Variants in NDST4 observed in about 807,000 individuals in gnomAD.
NDST4 encodes N-deacetylase and N-sulfotransferase 4.
Under a neutral mutation model 100.8 loss-of-function variants are expected in NDST4, and 63 were observed. That is an observed-to-expected ratio of 0.62 (90% CI 0.51 to 0.77). NDST4 has a LOEUF of 0.77. Among genes scored for constraint, NDST4 ranks in the 30% least tolerant of loss-of-function variants. NDST4 has a pLI of 0.00. For synonymous variants in NDST4, 377 were observed against 361.8 expected (o/e 1.04, Z -0.48); for missense variants, 943 against 1,018.4 (o/e 0.93, Z 1.01).
Position 114,892,839 on chromosome 4 carries a change from G to A in NDST4, c.1537-21889C>T, listed in dbSNP as rs576352878. On this transcript the variant is annotated intron_variant, in intron 6 of 13. Transcript: ENST00000264363. Reference sequence around the variant, plus strand: ...TGCAGAACATGCAATTTGTTACATTGGTGTACATGTGCTTTGGTGGTTTGC... The same window carrying A: ...TGCAGAACATGCAATTTGTTACATTAGTGTACATGTGCTTTGGTGGTTTGC... Among the ~76,000 whole-genome samples, 25 of 151,720 alleles carry A rather than the reference G, an allele frequency of 1.6e-4. No individual in the cohort carries two copies. The South Asian group carries it at 4.8e-3, about 29-fold the overall frequency.
At position 115,096,843 on chromosome 4, in the gene NDST4, C is replaced by T. The variant is rs1433626839; in HGVS notation, c.-247+16601G>A. Reference sequence around the variant, plus strand: ...AGTCCAATTTTTCTAGGACCTACTCCAATCAGGCTTACCATCACAACTTCA... The same window carrying T: ...AGTCCAATTTTTCTAGGACCTACTCTAATCAGGCTTACCATCACAACTTCA... On this transcript the variant is annotated intron_variant, in intron 1 of 13. Transcript: ENST00000264363. 7.9e-5 allele frequency among the ~76,000 whole-genome samples: 12 copies of T among 152,068 alleles called. No individual in the cohort carries two copies. In the East Asian group the frequency reaches 2.1e-3, roughly 27 times the overall value.
chr4:115,073,921 G>T (rs1232049689), intron 2 of NDST4, among the ~76,000 whole-genome samples: 5 of 151,762 alleles, frequency 3.3e-5, no homozygotes, highest in African/African-American at 1.2e-4. Flanking sequence ...ACTATATACT[G>T]TTTTTGTCAA....
In NDST4 at chr4:114,876,494, C is replaced by A. The variant is rs867612530; in HGVS notation, c.1537-5544G>T. 4.6e-5 allele frequency among the ~76,000 whole-genome samples: 7 copies of A among 152,060 alleles called. No individual in the cohort carries two copies. In the South Asian group the frequency reaches 1.2e-3, roughly 27 times the overall value. Reference sequence around the variant, plus strand: ...CACACAAGGGATATTAAGAGTCAGACTAGGCTTAACATTACTAATATGAGT... The same window carrying A: ...CACACAAGGGATATTAAGAGTCAGAATAGGCTTAACATTACTAATATGAGT... On this transcript the variant is annotated intron_variant, in intron 6 of 13. Coordinates refer to ENST00000264363, the MANE Select transcript of NDST4 (RefSeq NM_022569.3).
chr4:115,010,031 AAAC>A (rs1268715494), intron 2 of NDST4, among the ~76,000 whole-genome samples: 2 of 107,196 alleles, frequency 1.9e-5, no homozygotes, highest in Non-Finnish European at 3.8e-5. Context: ...AAAAGTCAGG[AAAC>A]AACAGGTGCT....
In NDST4 at chr4:114,852,875, T is replaced by C. The variant is rs188565513; in HGVS notation, c.1720-54A>G. On this transcript the variant is annotated intron_variant, in intron 7 of 13. Coordinates refer to ENST00000264363, the MANE Select transcript of NDST4 (RefSeq NM_022569.3). ...CAGTGTAATGACTGTCTGGCTCTGT[T>C]CTCTAAAAATTGTTCAAAAGATGGA... 3.6e-5 allele frequency: 45 copies of C among 1,256,448 alleles called. No individual in the cohort carries two copies. The Admixed American group carries it at 8.1e-4, about 23-fold the overall frequency. 77.8% of individuals were successfully genotyped at this position (1,256,448 alleles called of 1,614,324 possible).
intron 2 of NDST4, among the ~76,000 whole-genome samples, chr4:115,028,683 A>G (rs1171914033): frequency 6.6e-6 from 1 of 152,134 alleles, no homozygotes; most frequent in Non-Finnish European, 1.5e-5. Context: ...CACTAGATGT[A>G]TGGCAATATA....
intron 6 of NDST4, among the ~76,000 whole-genome samples, chr4:114,911,859 A>T (rs1459299835): frequency 6.6e-6 from 1 of 152,096 alleles, no homozygotes; most frequent in East Asian, 1.9e-4. Flanking sequence ...TCTTTTCACT[A>T]TTTCAACCAT....
At position 114,963,404 on chromosome 4, in the gene NDST4, ATTAG is replaced by A. The variant is rs142124831; in HGVS notation, c.1221+7022_1221+7025del. ...GCAAATCTGTGAAGACAAAAAGTAA[ATTAG>A]TTATTTGCTTAGGTTGAGGGAGTGG... On this transcript the variant is annotated intron_variant, in intron 4 of 13. Transcript: ENST00000264363. Among the ~76,000 whole-genome samples the A allele has an allele frequency of 8.2e-3, 1,252 of 152,132 alleles. 18 individuals are homozygous for A. The highest frequency in any genetic ancestry group is 0.029 in the African/African-American group (1,196 of 41,410).
intron 2 of NDST4, among the ~76,000 whole-genome samples, chr4:115,010,467 A>C (rs1287473176): frequency 7.8e-6 from 1 of 128,328 alleles, no homozygotes; most frequent in East Asian, 2.5e-4. Context: ...ATTCTTACTC[A>C]TAGGTGGGAA....
At chr4:114,908,597 C>G (rs1383206119) in intron 6 of NDST4, among the ~76,000 whole-genome samples, 3 of 152,032 alleles carry the variant, frequency 2.0e-5, no homozygotes, top group Non-Finnish European at 2.9e-5. Flanking sequence ...AGCTGCAGGG[C>G]ACTTGGGTGG....
intron 6 of NDST4, among the ~76,000 whole-genome samples, chr4:114,919,625 C>A (rs916515460): frequency 1.3e-5 from 2 of 152,032 alleles, no homozygotes; most frequent in Non-Finnish European, 1.5e-5. Flanking sequence ...GCAGAGAGGG[C>A]GGCAGAGGGC....
intron 2 of NDST4, among the ~76,000 whole-genome samples, chr4:115,025,272 T>C (rs919282587): frequency 6.6e-6 from 1 of 152,150 alleles, no homozygotes; most frequent in Non-Finnish European, 1.5e-5. Context: ...TGAGCCTGAC[T>C]ACTTGCATCC....
chr4:114,877,306 TCTAAAATATCA>T (rs1274463573), intron 6 of NDST4, among the ~76,000 whole-genome samples: 1 of 152,220 alleles, frequency 6.6e-6, no homozygotes, highest in African/African-American at 2.4e-5. Flanking sequence ...ATGGATTAAA[TCTAAAATATCA>T]CTTACATATT....
At chr4:114,858,690 T>C (rs954541578) in intron 7 of NDST4, among the ~76,000 whole-genome samples, 2 of 152,078 alleles carry the variant, frequency 1.3e-5, no homozygotes, top group Non-Finnish European at 2.9e-5. Flanking sequence ...AGTCCAGGAG[T>C]TGATGTGGGA....
At chr4:115,016,347 A>G (rs1051060850) in intron 2 of NDST4, among the ~76,000 whole-genome samples, 4 of 152,098 alleles carry the variant, frequency 2.6e-5, no homozygotes, top group Admixed American at 2.6e-4. Flanking sequence ...TATCCCATAG[A>G]CAGAATTCAT....
intron 2 of NDST4, among the ~76,000 whole-genome samples, chr4:115,007,551 A>C (rs1016837490): frequency 1.3e-5 from 2 of 151,944 alleles, no homozygotes; most frequent in Non-Finnish European, 2.9e-5. Flanking sequence ...GGTTTGTTTA[A>C]GAGGAAAGTA....
chr4:115,058,446 T>A (rs1365796042), intron 2 of NDST4, among the ~76,000 whole-genome samples: 1 of 152,172 alleles, frequency 6.6e-6, no homozygotes, highest in African/African-American at 2.4e-5. Flanking sequence ...TGACTGCTTT[T>A]TAAGTTTGGA....
intron 2 of NDST4, among the ~76,000 whole-genome samples, chr4:115,067,081 G>A (rs1001599849): frequency 1.3e-5 from 2 of 151,970 alleles, no homozygotes; most frequent in African/African-American, 4.8e-5. Context: ...CCGCAAGCCC[G>A]GGCCATTGCC....
At chr4:115,067,524 T>C (rs937424913) in intron 2 of NDST4, among the ~76,000 whole-genome samples, 3 of 151,962 alleles carry the variant, frequency 2.0e-5, no homozygotes, top group Non-Finnish European at 4.4e-5. Flanking sequence ...AGGTTTTTTT[T>C]TTCTTTCTCA....
Sources: gnomAD v4.1 joint callset for allele counts (sites outside exome capture counted in the v4.1 genomes callset) on GRCh38, gnomAD v4.1.1 for gene constraint, MANE v1.5 for transcripts, NCBI Gene and HGNC (gene_info 2026-07-23, HGNC 2026-07-21) for gene names.